Variants in FAM13A observed in about 807,000 individuals in gnomAD.
FAM13A encodes the protein family with sequence similarity 13 member A.
A neutral mutation model predicts 129.6 loss-of-function variants in FAM13A; 76 were observed. The observed-to-expected ratio is 0.59, with a 90% CI of 0.49 to 0.71. The LOEUF (loss-of-function observed/expected upper bound fraction) is 0.71. FAM13A is among the 30% of genes least tolerant of loss of function. The probability of loss-of-function intolerance (pLI) is 0.00; values close to 1 mark genes in which losing one functional copy is unlikely to be tolerated. For missense variants in FAM13A, 1,108 were observed against 1,249.3 expected (o/e 0.89, Z 1.70); for synonymous variants, 443 against 449.9 (o/e 0.98, Z 0.20).
chr4:88,851,262 C>CA, intron 6 of FAM13A, 79 bp from the exon 7 acceptor site: 2 of 1,260,754 alleles, frequency 1.6e-6, no homozygotes, highest in Non-Finnish European at 2.1e-6. Flanking sequence ...TGATAAAAGA[C>CA]AATTTATTCC....
intron 6 of FAM13A, among the ~76,000 whole-genome samples, chr4:88,852,185 GT>G (rs1737681938): frequency 6.8e-6 from 1 of 147,660 alleles, no homozygotes; most frequent in African/African-American, 2.5e-5. Flanking sequence ...TTGAGACAGA[GT>G]CTCGCTCTGT....
At chr4:88,941,026 G>A (rs945133769) in intron 4 of FAM13A, among the ~76,000 whole-genome samples, 6 of 152,180 alleles carry the variant, frequency 3.9e-5, no homozygotes, top group African/African-American at 1.4e-4. Context: ...CTGCAAACAT[G>A]AGTAGTTTCA....
chr4:88,791,333 T>G (rs1725102758), intron 8 of FAM13A, among the ~76,000 whole-genome samples: 1 of 152,092 alleles, frequency 6.6e-6, no homozygotes, highest in Non-Finnish European at 1.5e-5. Flanking sequence ...TGAGAAGTGG[T>G]CAACACAAAG....
intron 4 of FAM13A, among the ~76,000 whole-genome samples, chr4:88,981,825 G>C (rs1045456719): frequency 6.6e-6 from 1 of 152,002 alleles, no homozygotes; most frequent in Non-Finnish European, 1.5e-5. Context: ...GAAGAAATGT[G>C]TTCCATGGGA....
At chr4:88,792,537 A>G (rs1321889852) in intron 8 of FAM13A, among the ~76,000 whole-genome samples, 1 of 152,086 alleles carries the variant, frequency 6.6e-6, no homozygotes, top group Non-Finnish European at 1.5e-5. Flanking sequence ...TGGAACAAGC[A>G]GTCCTTGCTT....
chr4:88,823,114 G>A lies in FAM13A; in HGVS notation c.1008-18062C>T, dbSNP rs369551887. On this transcript the variant is annotated intron_variant, in intron 7 of 23. Coordinates refer to ENST00000264344, the MANE Select transcript of FAM13A (RefSeq NM_014883.4). Reference sequence around the variant, plus strand: ...AGTGGCTAAGCTGGGTTGGGGGCATGAGGCTGCACCGCACGGCTGGAGAAA... The same window carrying A: ...AGTGGCTAAGCTGGGTTGGGGGCATAAGGCTGCACCGCACGGCTGGAGAAA... The A allele has an allele frequency of 9.1e-5, 141 of 1,550,292 alleles. 3 individuals carry two copies. In the South Asian group the frequency reaches 1.5e-3, roughly 16 times the overall value.
chr4:88,871,502 C>T (rs575514171), intron 6 of FAM13A, among the ~76,000 whole-genome samples: 3 of 152,086 alleles, frequency 2.0e-5, no homozygotes, highest in Admixed American at 1.3e-4. Flanking sequence ...GATGCATGCA[C>T]AAGCTTCAGT....
At chr4:88,960,472 T>A (rs1758427082) in intron 4 of FAM13A, among the ~76,000 whole-genome samples, 1 of 152,168 alleles carries the variant, frequency 6.6e-6, no homozygotes, top group African/African-American at 2.4e-5. Flanking sequence ...ATTGAAGTAA[T>A]CCCTTGGTTC....
In FAM13A at chr4:89,020,572, C is replaced by T. The variant is rs1767130545; in HGVS notation, c.315G>A (p.Gly105=). The T allele has an allele frequency of 6.2e-7, 1 of 1,614,044 alleles. No individual in the cohort carries two copies. ...KFESGVPVEL[G]KDGDVCSAAS... ...CTGCTGAGCAGACATCACCGTCCTTCCCGAGCTCCACGGGCACTCCACTCT... is the reference window on the plus strand; with the variant it reads ...CTGCTGAGCAGACATCACCGTCCTTTCCGAGCTCCACGGGCACTCCACTCT... Residue 105 remains glycine, a synonymous_variant, in exon 3 of 24, where the codon GGG becomes GGA. Transcript: ENST00000264344.
intron 5 of FAM13A, among the ~76,000 whole-genome samples, chr4:88,910,124 T>C (rs2446301): frequency 6.6e-6 from 1 of 151,970 alleles, no homozygotes; most frequent in Non-Finnish European, 1.5e-5. Context: ...GGAATGGGTG[T>C]TATTCCAATG....
intron 18 of FAM13A, 136 bp from the exon 19 acceptor site, chr4:88,747,151 A>G (rs184881602): frequency 2.7e-5 from 17 of 632,718 alleles, no homozygotes; most frequent in African/African-American, 2.2e-4. Context: ...TCCAAAGTTC[A>G]TTTAAAAATG....
intron 4 of FAM13A, among the ~76,000 whole-genome samples, chr4:88,942,342 G>A (rs928111852): frequency 1.3e-5 from 2 of 152,020 alleles, no homozygotes; most frequent in South Asian, 2.1e-4. Context: ...TGAGGTGGGC[G>A]GATCACCTGA....
At chr4:88,981,362 CA>C (rs1761647522) in intron 4 of FAM13A, among the ~76,000 whole-genome samples, 1 of 152,106 alleles carries the variant, frequency 6.6e-6, no homozygotes, top group Non-Finnish European at 1.5e-5. Flanking sequence ...TTGGTCCGTG[CA>C]TCAATATCAC....
intron 6 of FAM13A, among the ~76,000 whole-genome samples, chr4:88,873,613 G>A (rs1353375881): frequency 6.6e-6 from 1 of 152,132 alleles, no homozygotes; most frequent in African/African-American, 2.4e-5. Flanking sequence ...TCGCTGAATA[G>A]ACCAATAACA....
chr4:88,985,956 A>T (rs765716896), intron 4 of FAM13A, among the ~76,000 whole-genome samples: 10 of 152,306 alleles, frequency 6.6e-5, no homozygotes, highest in Middle Eastern at 3.4e-3. Flanking sequence ...TATAGACATC[A>T]CATAATACAC....
At chr4:88,891,650 G>A (rs1390260828) in intron 6 of FAM13A, among the ~76,000 whole-genome samples, 1 of 152,128 alleles carries the variant, frequency 6.6e-6, no homozygotes, top group Non-Finnish European at 1.5e-5. Flanking sequence ...TTGGTTGAAG[G>A]TTAGAAGAAT....
intron 4 of FAM13A, among the ~76,000 whole-genome samples, chr4:88,988,566 T>C (rs746513075): frequency 6.6e-5 from 10 of 152,170 alleles, no homozygotes; most frequent in Non-Finnish European, 1.5e-4. Context: ...ATGCATTTGT[T>C]TTATCTAGTT....
chr4:88,809,228 C>T (rs1475085589), intron 7 of FAM13A, among the ~76,000 whole-genome samples: 1 of 152,114 alleles, frequency 6.6e-6, no homozygotes, highest in African/African-American at 2.4e-5. Context: ...AGGGCAAGTA[C>T]CCAGAATGGA....
chr4:88,778,896 C>T (rs1560967587), intron 11 of FAM13A, among the ~76,000 whole-genome samples: 1 of 152,176 alleles, frequency 6.6e-6, no homozygotes, highest in African/African-American at 2.4e-5. Context: ...AGAGCCCTTG[C>T]ACCTGTGATT....
Sources: gnomAD v4.1 joint callset for allele counts (sites outside exome capture counted in the v4.1 genomes callset) on GRCh38, gnomAD v4.1.1 for gene constraint, MANE v1.5 for transcripts, NCBI Gene and HGNC (gene_info 2026-07-23, HGNC 2026-07-21) for gene names.